SRPRB: variants seen among roughly 807,000 people sequenced by gnomAD.
SRPRB encodes the protein SRP receptor subunit beta.
A neutral mutation model predicts 31.9 loss-of-function variants in SRPRB; 20 were observed. That is an observed-to-expected ratio of 0.63 (90% CI 0.44 to 0.91). The LOEUF (loss-of-function observed/expected upper bound fraction) is 0.91, where lower values mean the gene tolerates loss of function less well. SRPRB is among the 40% of genes least tolerant of loss of function. The probability of loss-of-function intolerance (pLI) is 0.00; values close to 1 mark genes in which losing one functional copy is unlikely to be tolerated. For missense variants in SRPRB, 321 were observed against 324.9 expected (o/e 0.99, Z 0.09); for synonymous variants, 146 against 132.8 (o/e 1.10, Z -0.68).
At chr3:133,789,172 G>C (rs569779474) in intron 1 of SRPRB, 20 of 152,362 alleles carry the variant, frequency 1.3e-4, no homozygotes, top group African/African-American at 3.6e-4. Context: ...CAGTTCTAAG[G>C]ACTAGTACTA....
chr3:133,793,058 C>G (rs1934879800), intron 1 of SRPRB: 2 of 152,070 alleles, frequency 1.3e-5, no homozygotes. Context: ...ACATTAATAG[C>G]ACACTAATGC....
intron 5 of SRPRB, 111 bp downstream of exon 5, chr3:133,815,837 G>A: frequency 7.1e-6 from 9 of 1,276,488 alleles, no homozygotes; most frequent in Non-Finnish European, 9.7e-6. Context: ...TACAATTGCT[G>A]TAAAGAACTA....
chr3:133,824,281 G>GTCTT (rs1177840578), downstream of SRPRB: 1 of 152,204 alleles, frequency 6.6e-6, no homozygotes, highest in African/African-American at 2.4e-5. Flanking sequence ...AACATGCTGA[G>GTCTT]TCTTTTCCAC....
downstream of SRPRB, among the ~76,000 whole-genome samples, chr3:133,822,552 G>A (rs544833985): frequency 1.3e-5 from 2 of 152,274 alleles, no homozygotes; most frequent in South Asian, 4.2e-4. Flanking sequence ...CTGTTGGTGG[G>A]GAGTCCCTGG....
At chr3:133,801,135 G>A (rs1283065861), upstream of SRPRB, among the ~76,000 whole-genome samples, 1 of 152,150 alleles carries the variant, frequency 6.6e-6, no homozygotes, top group Non-Finnish European at 1.5e-5. Context: ...TAGGTCTGAG[G>A]TATGTTCCAT....
downstream of SRPRB, among the ~76,000 whole-genome samples, chr3:133,822,474 G>A (rs932145555): frequency 6.6e-6 from 1 of 152,090 alleles, no homozygotes; most frequent in Non-Finnish European, 1.5e-5. Context: ...CTCCAGTCCG[G>A]GCCTTGGTAG....
chr3:133,791,915 A>C (rs778799791), intron 1 of SRPRB: 1 of 152,242 alleles, frequency 6.6e-6, no homozygotes, highest in Non-Finnish European at 1.5e-5. Context: ...TTTTATCAGA[A>C]AAGTAAAAAA....
chr3:133,791,268 T>C (rs1216095628), intron 1 of SRPRB: 1 of 152,196 alleles, frequency 6.6e-6, no homozygotes, highest in Non-Finnish European at 1.5e-5. Context: ...GAGTATATTT[T>C]CATAAACAGA....
chr3:133,789,044 G>A (rs1278136371), intron 1 of SRPRB: 5 of 152,360 alleles, frequency 3.3e-5, no homozygotes, highest in Admixed American at 6.5e-5. Flanking sequence ...TATGCAAAGC[G>A]GCACTGGTGC....
intron 2 of SRPRB, among the ~76,000 whole-genome samples, chr3:133,807,402 A>C (rs950546277): frequency 8.6e-5 from 13 of 151,874 alleles, no homozygotes; most frequent in Non-Finnish European, 1.0e-4. Flanking sequence ...ACAGGCGTGC[A>C]ACACTACGCC....
chr3:133,822,525 C>T (rs1199205358), downstream of SRPRB, among the ~76,000 whole-genome samples: 1 of 152,176 alleles, frequency 6.6e-6, no homozygotes, highest in Non-Finnish European at 1.5e-5. Flanking sequence ...CTGGGGGTTC[C>T]TAATCAACAG....
At chr3:133,810,255 T>C (rs1275955340) in intron 3 of SRPRB, 1 of 152,214 alleles carries the variant, frequency 6.6e-6, no homozygotes, top group African/African-American at 2.4e-5. Context: ...CCAGCTGGAA[T>C]TGTGTTAAAT....
chr3:133,819,598 C>T lies in SRPRB; in HGVS notation c.648C>T (p.Asp216=), dbSNP rs201457927. ...VTRSAAPSTL[D]SSSTAPAQLG... ...GTTCTGCTGCCCCCAGCACACTGGA[C>T]AGTTCCAGCACTGCCCCTGCTCAGC... The change falls in exon 7 of 7, where the codon GAC becomes GAT. Residue 216 remains aspartate (D), a synonymous_variant. Transcript: ENST00000678299. 1 of 1,614,224 alleles carries T rather than the reference C, an allele frequency of 6.2e-7. No homozygotes were observed. Among genetic ancestry groups the T allele is most frequent in the Non-Finnish European group, 8.5e-7 (1 of 1,180,042 alleles).
chr3:133,825,260 TTATTG>T (rs1935540359), downstream of SRPRB: 1 of 152,142 alleles, frequency 6.6e-6, no homozygotes, highest in Admixed American at 6.5e-5. Flanking sequence ...GGCCATCCCT[TTATTG>T]TCACAACTGG....
intron 3 of SRPRB, among the ~76,000 whole-genome samples, chr3:133,809,408 C>A (rs767799550): frequency 3.3e-5 from 5 of 152,076 alleles, no homozygotes; most frequent in Non-Finnish European, 7.4e-5. Context: ...TGTCTTCTTT[C>A]CCCTTTCTCA....
At chr3:133,811,006 A>G in intron 3 of SRPRB, 111 bp from the exon 4 acceptor site, 5 of 993,636 alleles carry the variant, frequency 5.0e-6, no homozygotes, top group Non-Finnish European at 7.4e-6. Flanking sequence ...CTTTGTGAAC[A>G]TTTGTTTGGT....
At position 133,820,215 on chromosome 3, in the gene SRPRB, C is replaced by T. The variant is rs1156634199; in HGVS notation, c.*449C>T. ...TTGCCTCTGAAGTTCACAGGCAATA[C>T]ATTGTCTAGTCCTTTGCGAATTTCT... On this transcript the variant is annotated 3_prime_UTR_variant, in exon 7 of 7. Transcript: ENST00000678299. 5.5e-6 allele frequency: 1 copy of T among 182,278 alleles called. No individual in the cohort carries two copies. 11.3% of individuals were successfully genotyped at this position (182,278 alleles called of 1,614,324 possible).
In SRPRB at chr3:133,805,965, A is replaced by G; in HGVS notation, c.117A>G (p.Ser39=). ...AGCAGACGGACCCAACGCTGTTGTC[A>G]GTAGTGGTGGCGGTTCTTGCGGTGC... ...ELQQTDPTLL[S]VVVAVLAVLL... is the part of the protein sequence containing the mutation. The change falls in exon 1 of 7, where the codon TCA becomes TCG. Residue 39 remains serine (S), a synonymous_variant. Transcript: ENST00000678299. 6.2e-7 allele frequency: 1 copy of G among 1,613,486 alleles called. No individual in the cohort carries two copies. Among genetic ancestry groups the G allele is most frequent in the African/African-American group, 1.3e-5 (1 of 74,984 alleles).
intron 3 of SRPRB, among the ~76,000 whole-genome samples, chr3:133,809,185 G>A (rs1035918331): frequency 9.9e-5 from 15 of 152,006 alleles, no homozygotes; most frequent in African/African-American, 3.6e-4. Context: ...TAGAGATGGG[G>A]TTTCACCATG....
Sources: gnomAD v4.1 joint callset for allele counts (sites outside exome capture counted in the v4.1 genomes callset) on GRCh38, gnomAD v4.1.1 for gene constraint, MANE v1.5 for transcripts, NCBI Gene and HGNC (gene_info 2026-07-23, HGNC 2026-07-21) for gene names.